Variants in ESPL1 observed in about 807,000 individuals in gnomAD.
The protein encoded by ESPL1 is separin.
In ESPL1, 50 loss-of-function variants were observed where a neutral mutation model predicts 217.2. The ratio of observed to expected loss-of-function variants is 0.23; its 90% CI spans 0.18 to 0.29. The LOEUF (loss-of-function observed/expected upper bound fraction) is 0.29. ESPL1 is among the 10% of genes least tolerant of loss of function. ESPL1 has a pLI of 1.00. For missense variants in ESPL1, 1,834 were observed against 2,603.0 expected (o/e 0.70, Z 6.43); for synonymous variants, 994 against 1,081.3 (o/e 0.92, Z 1.58).
Position 53,290,392 on chromosome 12 carries a change from G to T in ESPL1, c.5287G>T (p.Ala1763Ser), listed in dbSNP as rs755703187. 6.2e-7 allele frequency: 1 copy of T among 1,613,356 alleles called. No individual in the cohort carries two copies. ...GAATGAGTTTGATGCCATCCAGAAG[G>T]CACAGAAAGAGAACAGCAGCTGTAC... is the stretch of plus-strand genomic sequence containing the variant. ...VLNEFDAIQK[A>S]QKENSSCTDK... The change falls in exon 24 of 31, where the codon GCA becomes TCA. Residue 1763 changes from alanine (A) to serine (S), a missense_variant. Coordinates refer to ENST00000257934, the MANE Select transcript of ESPL1 (RefSeq NM_012291.5).
At chr12:53,291,614 G>A in intron 25 of ESPL1, 76 bp from the exon 26 acceptor site, 1 of 1,458,498 alleles carries the variant, frequency 6.9e-7, no homozygotes, top group Non-Finnish European at 9.4e-7. Flanking sequence ...CAGGGAAAGG[G>A]AAGAAACTGG....
chr12:53,269,684 G>T lies in ESPL1; in HGVS notation c.742G>T (p.Ala248Ser), dbSNP rs775291881. The T allele has an allele frequency of 6.2e-7, 1 of 1,614,166 alleles. No individual in the cohort carries two copies. Among genetic ancestry groups the T allele is most frequent in the East Asian group, 2.2e-5 (1 of 44,878 alleles). ...SSSGLLSPQR[A>S]LCLLELTLEH... is the part of the protein sequence containing the mutation. The stretch of plus-strand genomic sequence containing the variant: ...TTCTGGGCTTCTTTCTCCCCAGAGG[G>T]CCCTCTGCCTCTTGGAGCTCACCTT... The change falls in exon 3 of 31, where the codon GCC (alanine) becomes TCC (serine). Residue 248 changes from alanine to serine, a missense_variant. By Grantham distance (99) the Ala-to-Ser change is moderately conservative. This residue lies in a region of ESPL1 where 746 missense variants were observed against 1,077.0 expected (regional missense o/e 0.69). Coordinates refer to ENST00000257934, the MANE Select transcript of ESPL1 (RefSeq NM_012291.5). This position sits in a 1 kb window ranked among gnomAD's most constrained non-coding sequence, Gnocchi z 6.7.
chr12:53,273,699 C>T (rs1943714545), intron 6 of ESPL1, among the ~76,000 whole-genome samples: 1 of 148,906 alleles, frequency 6.7e-6, no homozygotes, highest in Non-Finnish European at 1.5e-5. Context: ...GTGGAGTTTG[C>T]AGTGAGCCGA....
rs981413883 is a variant in ESPL1, at chr12:53,292,380, G to A, written c.5899G>A (p.Ala1967Thr). The A allele has an allele frequency of 6.2e-7, 1 of 1,612,998 alleles. No individual in the cohort carries two copies. Among genetic ancestry groups the A allele is most frequent in the Admixed American group, 1.7e-5 (1 of 60,010 alleles). The part of the protein sequence containing the change: ...NLSSTEEQFR[A>T]NFSSEAGWRG... ...GTCAAGCACAGAGGAGCAATTTCGA[G>A]CCAATTTCAGCAGGTCAGGGGCGCG... is the stretch of plus-strand genomic sequence containing the variant. The change falls in exon 28 of 31, where the codon GCC (alanine) becomes ACC (threonine). Residue 1967 changes from alanine (A) to threonine (T), a missense_variant. By Grantham distance (58) the Ala-to-Thr change is moderately conservative. This residue lies in a region of ESPL1 where 295 missense variants were observed against 519.8 expected (regional missense o/e 0.57). Transcript: ENST00000257934. The surrounding 1 kb of genome is among the most constrained non-coding windows in gnomAD (Gnocchi z 4.5).
chr12:53,288,064 G>A lies in ESPL1; in HGVS notation c.4269G>A (p.Arg1423=), dbSNP rs1194414008. 4 of 1,613,586 alleles carry A rather than the reference G, an allele frequency of 2.5e-6. No homozygotes were observed. Among genetic ancestry groups the A allele is most frequent in the Non-Finnish European group, 2.5e-6 (3 of 1,179,984 alleles). ...CTAAGAGACGGGGCACTGCTTCCCG[G>A]GGCCGGGGGCGAGCAAGGAAGGGCC... ...EEPKRRGTAS[R]GRGRARKGLS... Residue 1423 remains arginine (R), a synonymous_variant, in exon 19 of 31, where the codon CGG becomes CGA. Coordinates refer to ENST00000257934, the MANE Select transcript of ESPL1 (RefSeq NM_012291.5).
intron 25 of ESPL1, 151 bp from the exon 26 acceptor site, chr12:53,291,539 T>G (rs1295813796): frequency 1.4e-5 from 11 of 776,700 alleles, no homozygotes; most frequent in East Asian, 2.7e-5. Context: ...TGCAGTGAGC[T>G]GAGATTGCGC....
Position 53,290,874 on chromosome 12 carries a change from G to T in ESPL1, c.5398G>T (p.Gly1800Cys). The change falls in exon 25 of 31, where the codon GGC (glycine) becomes TGC (cysteine). Residue 1800 changes from glycine to cysteine, a missense_variant. Physicochemically the swap from Gly to Cys is radical, Grantham distance 159. Transcript: ENST00000257934. ...CGCTTCCCTAGAGAAGTCTGTGCTG[G>T]GCTGCTGGAAGGGGCTGCTGCTGCC... ...LIASLEKSVLGCWKGLLLPSS... is the reference protein window; with the variant it reads ...LIASLEKSVLCCWKGLLLPSS... The T allele has an allele frequency of 6.2e-7, 1 of 1,609,834 alleles. No homozygotes were observed.
Position 53,290,935 on chromosome 12 carries a change from C to T in ESPL1, c.5459C>T (p.Ser1820Phe). 1.9e-6 allele frequency: 3 copies of T among 1,606,116 alleles called. No homozygotes were observed. The highest frequency in any genetic ancestry group is 1.1e-5 in the South Asian group (1 of 89,598). ...SEEPGPAQEA[S>F]RLQELLQDCG... is the part of the protein sequence containing the mutation. Reference sequence around the variant, plus strand: ...GAGCCCGGCCCTGCCCAGGAGGCCTCCCGCCTACAGGAGCTGCTACAGGAC... The same window carrying T: ...GAGCCCGGCCCTGCCCAGGAGGCCTTCCGCCTACAGGAGCTGCTACAGGAC... The change falls in exon 25 of 31, where the codon TCC becomes TTC. Residue 1820 changes from serine to phenylalanine, a missense_variant. By Grantham distance (155) the Ser-to-Phe change is radical. Transcript: ENST00000257934.
At chr12:53,279,956 G>A in intron 12 of ESPL1, 90 bp downstream of exon 12, 1 of 1,409,576 alleles carries the variant, frequency 7.1e-7, no homozygotes, top group Non-Finnish European at 9.4e-7. Context: ...CAAAGGGGCA[G>A]CTTCTCGGCC....
In ESPL1 at chr12:53,269,341, C is replaced by G; in HGVS notation, c.399C>G (p.Arg133=). Residue 133 remains arginine (R), a synonymous_variant, in exon 3 of 31, where the codon CGC becomes CGG. Transcript: ENST00000257934. The surrounding 1 kb of genome is among the most constrained non-coding windows in gnomAD (Gnocchi z 6.7). ...PLHACLVQCS[R]EAAPQDYEAV... ...ATGCCTGCTTGGTGCAGTGCTCTCG[C>G]GAGGCTGCTCCCCAGGACTATGAGG... 6.2e-7 allele frequency: 1 copy of G among 1,614,098 alleles called. No individual in the cohort carries two copies. Among genetic ancestry groups the G allele is most frequent in the Non-Finnish European group, 8.5e-7 (1 of 1,180,020 alleles).
intron 12 of ESPL1, among the ~76,000 whole-genome samples, chr12:53,280,973 C>A (rs867948671): frequency 3.4e-5 from 5 of 149,204 alleles, no homozygotes; most frequent in Non-Finnish European, 5.9e-5. Context: ...GCCTGGGCAA[C>A]AAGAGCGAAA....
chr12:53,277,101 C>T lies in ESPL1; in HGVS notation c.1959C>T (p.Ile653=). The change falls in exon 9 of 31, where the codon ATC becomes ATT. Residue 653 remains isoleucine (I), a synonymous_variant. Transcript: ENST00000257934. ...CCTGCAGCTCTGCTCTGGATGCTAT[C>T]CGGGAAGCCCTGCAGCTTCTGGACT... ...QQTNCSALDA[I]REALQLLDSV... is the part of the protein sequence containing the mutation. The T allele has an allele frequency of 6.2e-7, 1 of 1,613,962 alleles. No individual in the cohort carries two copies. Among genetic ancestry groups the T allele is most frequent in the Non-Finnish European group, 8.5e-7 (1 of 1,179,880 alleles).
At position 53,269,692 on chromosome 12, in the gene ESPL1, C is replaced by T; in HGVS notation, c.750C>T (p.Cys250=). 5.0e-6 allele frequency: 8 copies of T among 1,614,176 alleles called. No homozygotes were observed. The highest frequency in any genetic ancestry group is 6.8e-6 in the Non-Finnish European group (8 of 1,180,024). ...TTCTTTCTCCCCAGAGGGCCCTCTG[C>T]CTCTTGGAGCTCACCTTGGAACACT... ...SGLLSPQRAL[C]LLELTLEHCR... The change falls in exon 3 of 31, where the codon TGC becomes TGT. Residue 250 remains cysteine (C), a synonymous_variant. Coordinates refer to ENST00000257934, the MANE Select transcript of ESPL1 (RefSeq NM_012291.5). The surrounding 1 kb of genome is among the most constrained non-coding windows in gnomAD (Gnocchi z 6.7).
intron 12 of ESPL1, among the ~76,000 whole-genome samples, chr12:53,280,367 T>TA (rs199929152): frequency 0.015 from 2,241 of 152,282 alleles, 27 homozygotes; most frequent in South Asian, 0.054. Flanking sequence ...ATCTCACTCT[T>TA]ACTATTTTTG....
intron 24 of ESPL1, 60 bp from the exon 25 acceptor site, chr12:53,290,780 GT>G: frequency 2.3e-6 from 2 of 883,902 alleles, no homozygotes; most frequent in South Asian, 6.1e-5. Flanking sequence ...CAAAATGTCA[GT>G]GCCTGTGAGA....
At chr12:53,287,887 G>T in intron 18 of ESPL1, 85 bp from the exon 19 acceptor site, 1 of 1,350,214 alleles carries the variant, frequency 7.4e-7, no homozygotes, top group South Asian at 1.4e-5. Flanking sequence ...GGTGCCTGAT[G>T]GTGCCTCCAC....
At chr12:53,276,438 C>T (rs2120903417) in intron 7 of ESPL1, among the ~76,000 whole-genome samples, 182 bp from the exon 8 acceptor site, 1 of 152,328 alleles carries the variant, frequency 6.6e-6, no homozygotes, top group South Asian at 2.1e-4. Context: ...GGAAATGATT[C>T]CTAGTGGGAG....
chr12:53,292,355 G>C lies in ESPL1; in HGVS notation c.5874G>C (p.Leu1958=). The change falls in exon 28 of 31, where the codon CTG becomes CTC. Residue 1958 remains leucine, a synonymous_variant. Coordinates refer to ENST00000257934, the MANE Select transcript of ESPL1 (RefSeq NM_012291.5). This position sits in a 1 kb window ranked among gnomAD's most constrained non-coding sequence, Gnocchi z 4.5. ...ATGTCCTGAACCCTCACAATAACCT[G>C]TCAAGCACAGAGGAGCAATTTCGAG... ...TFYVLNPHNN[L]SSTEEQFRAN... 1 of 1,614,064 alleles carries C rather than the reference G, an allele frequency of 6.2e-7. No homozygotes were observed. Among genetic ancestry groups the C allele is most frequent in the Non-Finnish European group, 8.5e-7 (1 of 1,179,986 alleles).
chr12:53,290,846 C>G lies in ESPL1; in HGVS notation c.5370C>G (p.Leu1790=). Residue 1790 remains leucine, a synonymous_variant, in exon 25 of 31, where the codon CTC becomes CTG. Coordinates refer to ENST00000257934, the MANE Select transcript of ESPL1 (RefSeq NM_012291.5). ...RLALDHRMEV[L]IASLEKSVLG... ...GGTCTGCCCTCTGCATTCAGGTTCT[C>G]ATCGCTTCCCTAGAGAAGTCTGTGC... is the stretch of plus-strand genomic sequence containing the variant. 1 of 1,605,528 alleles carries G rather than the reference C, an allele frequency of 6.2e-7. No individual in the cohort carries two copies. The highest frequency in any genetic ancestry group is 1.3e-5 in the African/African-American group (1 of 74,460).
Sources: gnomAD v4.1 joint callset for allele counts (sites outside exome capture counted in the v4.1 genomes callset) on GRCh38, gnomAD v4.1.1 for gene constraint, gnomAD v4.1.1 regional missense constraint, Gnocchi (gnomAD v3.1) non-coding constraint, MANE v1.5 for transcripts, NCBI Gene and HGNC (gene_info 2026-07-23, HGNC 2026-07-21) for gene names.